Variants in WDHD1 observed in about 807,000 individuals in gnomAD.
The protein encoded by WDHD1 is WD repeat and HMG-box DNA-binding protein 1.
Under a neutral mutation model 135.4 loss-of-function variants are expected in WDHD1, and 111 were observed. The observed-to-expected ratio is 0.82, with a 90% CI of 0.70 to 0.96. The LOEUF is 0.96. Among genes scored for constraint, WDHD1 ranks in the 40% least tolerant of loss-of-function variants. WDHD1 has a pLI of 0.00. For synonymous variants in WDHD1, 434 were observed against 439.0 expected (o/e 0.99, Z 0.14); for missense variants, 1,351 against 1,336.3 (o/e 1.01, Z -0.17).
chr14:55,025,640 T>C (rs2042424041), intron 2 of WDHD1, among the ~76,000 whole-genome samples: 1 of 152,254 alleles, frequency 6.6e-6, no homozygotes, highest in African/African-American at 2.4e-5. Flanking sequence ...TTCTCAGTGC[T>C]TTTAGGATAA....
rs372099280 is a variant in WDHD1, at chr14:55,010,085, C to G, written c.341+224G>C. Among the ~76,000 whole-genome samples the G allele has an allele frequency of 1.8e-4, 27 of 152,340 alleles. No homozygotes were observed. The East Asian group carries it at 4.6e-3, about 26-fold the overall frequency. ...CTGCCTGCCTTGGCCTCCCAAAGTGCTGGGATTACAGGCGTGAGCCACCAC... is the reference window on the plus strand; with the variant it reads ...CTGCCTGCCTTGGCCTCCCAAAGTGGTGGGATTACAGGCGTGAGCCACCAC... On this transcript the variant is annotated intron_variant, in intron 4 of 25. Transcript: ENST00000360586.
intron 16 of WDHD1, among the ~76,000 whole-genome samples, chr14:54,972,135 C>T (rs1197452130): frequency 2.6e-5 from 4 of 151,868 alleles, no homozygotes; most frequent in Admixed American, 1.3e-4. Flanking sequence ...ATTAGCCAGG[C>T]GTGGTGATGG....
At chr14:55,018,798 GTAA>G (rs1410823111) in intron 2 of WDHD1, among the ~76,000 whole-genome samples, 18 of 152,196 alleles carry the variant, frequency 1.2e-4, no homozygotes, top group African/African-American at 4.3e-4. Context: ...GCTCACGCCT[GTAA>G]TCCCAGCACT....
intron 24 of WDHD1, among the ~76,000 whole-genome samples, chr14:54,954,113 TA>T (rs34581857): frequency 0.098 from 13,883 of 141,830 alleles, 689 homozygotes; most frequent in South Asian, 0.16. Flanking sequence ...TAAAAGTATT[TA>T]AAAAAAAAAA....
At chr14:54,957,889 G>A (rs555887803) in intron 21 of WDHD1, among the ~76,000 whole-genome samples, 5 of 152,242 alleles carry the variant, frequency 3.3e-5, no homozygotes, top group East Asian at 3.9e-4. Context: ...CTGTTACTGC[G>A]GAAGAGTGGC....
intron 2 of WDHD1, among the ~76,000 whole-genome samples, chr14:55,026,287 CA>C (rs1478213176): frequency 1.3e-5 from 2 of 151,614 alleles, no homozygotes; most frequent in Non-Finnish European, 2.9e-5. Flanking sequence ...GTTTAGGAAT[CA>C]GAGGAAAAAA....
At chr14:55,014,008 T>G (rs1249084339) in intron 2 of WDHD1, among the ~76,000 whole-genome samples, 1 of 152,228 alleles carries the variant, frequency 6.6e-6, no homozygotes, top group African/African-American at 2.4e-5. Flanking sequence ...AGCCAGTATT[T>G]TTTCTCATTT....
chr14:55,003,059 T>C (rs1332187295), intron 7 of WDHD1, among the ~76,000 whole-genome samples: 1 of 152,214 alleles, frequency 6.6e-6, no homozygotes, highest in Non-Finnish European at 1.5e-5. Flanking sequence ...AAACTGTGTA[T>C]TCTTTCCATG....
At chr14:54,973,111 CT>C (rs2041468076) in intron 16 of WDHD1, among the ~76,000 whole-genome samples, 1 of 152,318 alleles carries the variant, frequency 6.6e-6, no homozygotes, top group South Asian at 2.1e-4. Flanking sequence ...AAAACCATGA[CT>C]GCACACTATA....
chr14:54,957,536 T>C lies in WDHD1; in HGVS notation c.2745+56A>G, dbSNP rs1432537485. 22 of 1,423,182 alleles carry C rather than the reference T, an allele frequency of 1.5e-5. No homozygotes were observed. In the Middle Eastern group the frequency reaches 5.6e-4, roughly 36 times the overall value. The allele number at this position is 1,423,182 out of a possible 1,614,324, so 88.2% of individuals were successfully genotyped here. A position where few individuals can be genotyped will look rare whatever the true frequency, so the allele number is the denominator to read the frequency against. ...AGAGTCATCTCATCATTTGGAAATA[T>C]TTCTTTGTATACAAATGTATTTAAA... On this transcript the variant is annotated intron_variant, in intron 22 of 25. Transcript: ENST00000360586.
chr14:55,011,104 A>T (rs1407475076), intron 3 of WDHD1, among the ~76,000 whole-genome samples: 1 of 152,240 alleles, frequency 6.6e-6, no homozygotes, highest in Non-Finnish European at 1.5e-5. Flanking sequence ...GTTTTAAGCC[A>T]CCAACTTTGT....
intron 7 of WDHD1, chr14:55,005,082 G>A (rs971521663): frequency 1.9e-6 from 1 of 539,260 alleles, no homozygotes; most frequent in Non-Finnish European, 3.6e-6. Flanking sequence ...AATCTCCTCA[G>A]GAACACTGTA....
chr14:55,005,490 C>T, intron 7 of WDHD1: 1 of 565,260 alleles, frequency 1.8e-6, no homozygotes, highest in Non-Finnish European at 3.4e-6. Flanking sequence ...TTTTCAACAG[C>T]AACAATGGCA....
chr14:54,981,533 A>G lies in WDHD1; in HGVS notation c.2063+7T>C. 1 of 1,608,484 alleles carries G rather than the reference A, an allele frequency of 6.2e-7. No individual in the cohort carries two copies. The highest frequency in any genetic ancestry group is 8.5e-7 in the Non-Finnish European group (1 of 1,178,306). On this transcript the variant is annotated splice_region_variant and intron_variant, in intron 16 of 25. Transcript: ENST00000360586. ...GAGTCAACTTTAGACTTCTTTTAAT[A>G]GCCCACCTTAGTTGCTGGGGATTTT...
At chr14:54,964,773 C>A (rs1423808394) in intron 18 of WDHD1, among the ~76,000 whole-genome samples, 3 of 152,162 alleles carry the variant, frequency 2.0e-5, no homozygotes, top group Non-Finnish European at 4.4e-5. Context: ...CTCAAGATAT[C>A]CTCCTGCCCT....
chr14:55,014,305 G>T (rs2042224968), intron 2 of WDHD1, among the ~76,000 whole-genome samples: 1 of 152,182 alleles, frequency 6.6e-6, no homozygotes, highest in Non-Finnish European at 1.5e-5. Context: ...GCCCAGGCTG[G>T]TCTTGAGCTC....
At chr14:54,966,357 A>ACAAC in intron 18 of WDHD1, 118 bp downstream of exon 18, 9 of 1,308,544 alleles carry the variant, frequency 6.9e-6, no homozygotes, top group South Asian at 1.8e-5. Context: ...AACAACAACA[A>ACAAC]AAAAAAACTT....
rs1296298109 is a variant in WDHD1 at position 54,940,392 on chromosome 14, A to G, written c.*1098T>C. 1.3e-5 allele frequency: 2 copies of G among 152,212 alleles called. No homozygotes were observed. The highest frequency in any genetic ancestry group is 2.4e-5 in the African/African-American group (1 of 41,458). 9.4% of individuals were successfully genotyped at this position (152,212 alleles called of 1,614,324 possible). Reference sequence around the variant, plus strand: ...TGTTTTCCTAACTTTAATCATCACCAGATAAGGAATATTCTTGGTTCATTT... The same window carrying G: ...TGTTTTCCTAACTTTAATCATCACCGGATAAGGAATATTCTTGGTTCATTT... On this transcript the variant is annotated 3_prime_UTR_variant, in exon 26 of 26. Transcript: ENST00000360586.
chr14:55,025,803 C>T (rs186350725), intron 2 of WDHD1, among the ~76,000 whole-genome samples: 2 of 152,312 alleles, frequency 1.3e-5, no homozygotes, highest in African/African-American at 2.4e-5. Context: ...GATCCCTGGC[C>T]CCATTGGGCC....
Sources: allele counts gnomAD v4.1 joint callset (sites outside exome capture counted in the v4.1 genomes callset), GRCh38; gene constraint gnomAD v4.1.1; transcripts MANE v1.5; gene names NCBI Gene and HGNC (gene_info 2026-07-23, HGNC 2026-07-21).